The following RORB variants were observed in gnomAD, a reference collection of about 807,000 sequenced individuals.
RORB encodes the protein nuclear receptor ROR-beta.
A neutral mutation model predicts 59.1 loss-of-function variants in RORB; 6 were observed. The ratio of observed to expected loss-of-function variants is 0.10; its 90% CI spans 0.06 to 0.20. The LOEUF (loss-of-function observed/expected upper bound fraction) is 0.20, where lower values mean the gene tolerates loss of function less well. Ranked by LOEUF, RORB falls within the 10% of genes least tolerant of loss-of-function variation. The pLI is 1.00. For missense variants in RORB, 320 were observed against 560.5 expected (o/e 0.57, Z 4.33); for synonymous variants, 215 against 204.5 (o/e 1.05, Z -0.44).
intron 1 of RORB, among the ~76,000 whole-genome samples, chr9:74,590,496 A>G (rs1822869996): frequency 6.6e-6 from 1 of 152,170 alleles, no homozygotes; most frequent in Non-Finnish European, 1.5e-5. Flanking sequence ...AAATTTACTA[A>G]GCCTCTCTAA....
At chr9:74,516,055 C>T (rs934110508) in intron 1 of RORB, among the ~76,000 whole-genome samples, 2 of 152,048 alleles carry the variant, frequency 1.3e-5, no homozygotes, top group African/African-American at 4.8e-5. Context: ...CCTAGGGAGG[C>T]TAGTTACAAT....
intron 4 of RORB, among the ~76,000 whole-genome samples, chr9:74,657,260 T>C (rs1824099483): frequency 6.6e-6 from 1 of 151,870 alleles, no homozygotes; most frequent in East Asian, 1.9e-4. Flanking sequence ...AGAGATGGGG[T>C]TTCACCATGT....
At chr9:74,604,282 C>T (rs960194365) in intron 1 of RORB, among the ~76,000 whole-genome samples, 4 of 152,188 alleles carry the variant, frequency 2.6e-5, no homozygotes, top group African/African-American at 9.7e-5. Flanking sequence ...ATATAAACTC[C>T]TTGGCAAGGC....
intron 1 of RORB, among the ~76,000 whole-genome samples, chr9:74,586,600 C>CGCGT (rs1554668277): frequency 1.4e-5 from 2 of 141,200 alleles, no homozygotes; most frequent in Non-Finnish European, 3.1e-5. Context: ...ATGTAATGTC[C>CGCGT]GTGTGTGTGT....
In RORB at chr9:74,618,277, C is replaced by G. The variant is rs1823345820; in HGVS notation, c.8-12005C>G. Among the ~76,000 whole-genome samples, 3 of 150,094 alleles carry G rather than the reference C, an allele frequency of 2.0e-5. No individual in the cohort carries two copies. In the Admixed American group the frequency reaches 2.0e-4, roughly 10 times the overall value. ...GCAAACGTGAAAAAGGGACAAATAA[C>G]AATACAGGCAAATTGTTAAGATGTT... On this transcript the variant is annotated intron_variant, in intron 1 of 9. Transcript: ENST00000376896.
In RORB at chr9:74,534,113, C is replaced by G. The variant is rs191044256; in HGVS notation, c.7+36130C>G. The stretch of plus-strand genomic sequence containing the variant: ...TCTTCTATTTCATAATTATCTTTTC[C>G]CTATGTTTGCTATTTTCTTCCTATG... On this transcript the variant is annotated intron_variant, in intron 1 of 9. Transcript: ENST00000376896. Among the ~76,000 whole-genome samples, 895 of 151,974 alleles carry G rather than the reference C, an allele frequency of 5.9e-3. 2 individuals are homozygous for G. Among genetic ancestry groups the G allele is most frequent in the African/African-American group, 0.021 (864 of 41,472 alleles).
chr9:74,535,229 A>G (rs912978011), intron 1 of RORB, among the ~76,000 whole-genome samples: 14 of 152,144 alleles, frequency 9.2e-5, no homozygotes, highest in Middle Eastern at 3.4e-3. Context: ...TCTATTCACT[A>G]TATTAAAATA....
rs1824630243 is a variant in RORB at position 74,685,748 on chromosome 9, T to C, written c.*130T>C. On this transcript the variant is annotated 3_prime_UTR_variant, in exon 10 of 10. Transcript: ENST00000376896. ...AATGTCCTGCACTTAATAGAATTAT[T>C]TTTCACCGCTACAGTTTGAAGAATG... 3 of 578,360 alleles carry C rather than the reference T, an allele frequency of 5.2e-6. No homozygotes were observed. The highest frequency in any genetic ancestry group is 5.4e-6 in the Non-Finnish European group (2 of 367,442). 35.8% of individuals were successfully genotyped at this position (578,360 alleles called of 1,614,324 possible).
intron 1 of RORB, among the ~76,000 whole-genome samples, chr9:74,582,786 T>C (rs114330775): frequency 0.013 from 1,926 of 152,200 alleles, 27 homozygotes; most frequent in African/African-American, 0.041. Context: ...TACCCAAGCC[T>C]CAGAAGGCAT....
intron 1 of RORB, among the ~76,000 whole-genome samples, chr9:74,605,907 T>C (rs1303014018): frequency 1.3e-5 from 2 of 152,190 alleles, no homozygotes; most frequent in Non-Finnish European, 2.9e-5. Context: ...CTAGGGTTCC[T>C]GGACCACATC....
At chr9:74,684,140 A>G (rs1824595521) in intron 9 of RORB, among the ~76,000 whole-genome samples, 1 of 152,228 alleles carries the variant, frequency 6.6e-6, no homozygotes, top group Non-Finnish European at 1.5e-5. Flanking sequence ...AACAGCTCTA[A>G]TCCTGATGCT....
At chr9:74,618,131 GCA>G (rs1191250994) in intron 1 of RORB, among the ~76,000 whole-genome samples, 4 of 151,178 alleles carry the variant, frequency 2.6e-5, no homozygotes, top group Admixed American at 6.6e-5. Context: ...ACACACAGAC[GCA>G]CACACACACA....
At chr9:74,585,984 CAG>C (rs780887148) in intron 1 of RORB, among the ~76,000 whole-genome samples, 85 of 151,758 alleles carry the variant, frequency 5.6e-4, no homozygotes, top group Non-Finnish European at 9.6e-4. Flanking sequence ...TTAGTAGAGA[CAG>C]GGTTTCACCG....
At chr9:74,535,775 GTAA>G (rs1826314304) in intron 1 of RORB, among the ~76,000 whole-genome samples, 1 of 151,916 alleles carries the variant, frequency 6.6e-6, no homozygotes. Flanking sequence ...AAAAAATCTA[GTAA>G]TAATGCATGC....
intron 1 of RORB, among the ~76,000 whole-genome samples, chr9:74,509,791 T>A (rs994392789): frequency 6.6e-6 from 1 of 152,054 alleles, no homozygotes; most frequent in Admixed American, 6.6e-5. Context: ...GCATAAGATG[T>A]TTTCTTAAGG....
At chr9:74,630,510 G>T in intron 2 of RORB, 143 bp downstream of exon 2, 3 of 487,706 alleles carry the variant, frequency 6.2e-6, no homozygotes, top group Non-Finnish European at 3.6e-6. Context: ...TGCGTGGTGG[G>T]TGGGAGGGTT....
intron 4 of RORB, among the ~76,000 whole-genome samples, chr9:74,646,619 A>G (rs1165903923): frequency 6.6e-6 from 1 of 151,436 alleles, no homozygotes; most frequent in African/African-American, 2.4e-5. Flanking sequence ...CATTGTACAG[A>G]TAAAGAAATT....
At chr9:74,682,592 C>G (rs1319156805) in intron 9 of RORB, among the ~76,000 whole-genome samples, 1 of 152,112 alleles carries the variant, frequency 6.6e-6, no homozygotes, top group Non-Finnish European at 1.5e-5. Flanking sequence ...TTGTGTGTCA[C>G]AGGGAACTCA....
intron 5 of RORB, among the ~76,000 whole-genome samples, chr9:74,661,298 T>C (rs574604297): frequency 6.6e-6 from 1 of 152,314 alleles, no homozygotes; most frequent in South Asian, 2.1e-4. Flanking sequence ...TTTTTCAGTA[T>C]TTACATTACA....
Sources: allele counts gnomAD v4.1 joint callset (sites outside exome capture counted in the v4.1 genomes callset), GRCh38; gene constraint gnomAD v4.1.1; transcripts MANE v1.5; gene names NCBI Gene and HGNC (gene_info 2026-07-23, HGNC 2026-07-21).